RASA1: variants seen among roughly 807,000 people sequenced by gnomAD.
RASA1 encodes RAS p21 protein activator 1.
In RASA1, 25 loss-of-function variants were observed where a neutral mutation model predicts 132.2. The observed-to-expected ratio is 0.19, with a 90% confidence interval of 0.14 to 0.26. The LOEUF is 0.26. Among genes scored for constraint, RASA1 ranks in the 10% least tolerant of loss-of-function variants. The probability of loss-of-function intolerance (pLI) is 1.00; values close to 1 mark genes in which losing one functional copy is unlikely to be tolerated. For synonymous variants in RASA1, 477 were observed against 449.9 expected (o/e 1.06, Z -0.76); for missense variants, 964 against 1,299.2 (o/e 0.74, Z 3.97).
chr5:87,286,246 A>C (rs923315273), intron 1 of RASA1, among the ~76,000 whole-genome samples: 1 of 151,580 alleles, frequency 6.6e-6, no homozygotes, highest in African/African-American at 2.4e-5. Flanking sequence ...CAAGTGATCC[A>C]CTCGCATTTG....
chr5:87,336,726 C>T (rs772930051), intron 4 of RASA1, among the ~76,000 whole-genome samples: 188 of 152,162 alleles, frequency 1.2e-3, no homozygotes, highest in Non-Finnish European at 1.7e-3. Flanking sequence ...CATGTGCACC[C>T]TCCTTTTACT....
At chr5:87,353,285 C>CT in intron 9 of RASA1, 50 bp downstream of exon 9, 1 of 1,421,218 alleles carries the variant, frequency 7.0e-7, no homozygotes, top group Non-Finnish European at 9.9e-7. Flanking sequence ...TTTTAAAATG[C>CT]ATTTTGGTGG....
At chr5:87,351,842 C>T (rs913664561) in intron 8 of RASA1, among the ~76,000 whole-genome samples, 6 of 151,734 alleles carry the variant, frequency 4.0e-5, no homozygotes, top group Non-Finnish European at 8.9e-5. Flanking sequence ...CCCATGGTTT[C>T]CTGTTCTCTC....
chr5:87,342,498 C>T (rs1758545451), intron 6 of RASA1, among the ~76,000 whole-genome samples: 1 of 152,152 alleles, frequency 6.6e-6, no homozygotes, highest in South Asian at 2.1e-4. Context: ...AAGAATCAGA[C>T]AGACAATGTA....
chr5:87,289,851 C>CTGGAGCAATCA (rs1348559734), intron 1 of RASA1, among the ~76,000 whole-genome samples: 1 of 151,988 alleles, frequency 6.6e-6, no homozygotes, highest in Non-Finnish European at 1.5e-5. Flanking sequence ...TTGAGTGATC[C>CTGGAGCAATCA]TCCCTCCTTG....
chr5:87,323,309 A>G (rs1397037446), intron 1 of RASA1, among the ~76,000 whole-genome samples: 3 of 152,190 alleles, frequency 2.0e-5, no homozygotes, highest in African/African-American at 7.2e-5. Context: ...CTAACGCATA[A>G]TAGGAGCTTA....
At chr5:87,355,327 A>G (rs998684365) in intron 9 of RASA1, among the ~76,000 whole-genome samples, 1 of 152,168 alleles carries the variant, frequency 6.6e-6, no homozygotes, top group African/African-American at 2.4e-5. Context: ...GTTGAAACCA[A>G]TTATCGTTGA....
intron 5 of RASA1, among the ~76,000 whole-genome samples, chr5:87,338,536 A>ATATTTTTTT: frequency 7.0e-5 from 6 of 85,212 alleles, no homozygotes; most frequent in African/African-American, 1.8e-4. Context: ...TATATATAAA[A>ATATTTTTTT]TTTTTTTTTT....
chr5:87,315,277 G>T (rs1756239643), intron 1 of RASA1, among the ~76,000 whole-genome samples: 1 of 152,188 alleles, frequency 6.6e-6, no homozygotes, highest in Non-Finnish European at 1.5e-5. Context: ...TGGGCAGGGG[G>T]GTTGGCATCT....
chr5:87,327,277 C>G (rs1391129929), intron 1 of RASA1, among the ~76,000 whole-genome samples: 9 of 152,140 alleles, frequency 5.9e-5, no homozygotes, highest in Admixed American at 3.3e-4. Context: ...GGTGGCAGAG[C>G]TGGGATTCAA....
chr5:87,367,626 G>C (rs1397200851), intron 11 of RASA1, among the ~76,000 whole-genome samples: 2 of 152,232 alleles, frequency 1.3e-5, no homozygotes, highest in East Asian at 1.9e-4. Context: ...GCATTACTTA[G>C]AAAGATGTCT....
At chr5:87,310,636 G>A (rs1001574701) in intron 1 of RASA1, among the ~76,000 whole-genome samples, 3 of 152,128 alleles carry the variant, frequency 2.0e-5, no homozygotes, top group Non-Finnish European at 4.4e-5. Flanking sequence ...TGGTTGGAAT[G>A]GCTTTCCTGG....
intron 8 of RASA1, among the ~76,000 whole-genome samples, chr5:87,351,392 A>T (rs1449033666): frequency 6.6e-6 from 1 of 151,758 alleles, no homozygotes; most frequent in East Asian, 1.9e-4. Flanking sequence ...AATGCATGGG[A>T]ATCAATAAAT....
At chr5:87,311,975 A>T (rs1246471611) in intron 1 of RASA1, among the ~76,000 whole-genome samples, 1 of 152,242 alleles carries the variant, frequency 6.6e-6, no homozygotes. Context: ...CTACTGGGTT[A>T]TTAATCCTTT....
chr5:87,364,113 G>C (rs933277836), intron 11 of RASA1, among the ~76,000 whole-genome samples: 1 of 151,954 alleles, frequency 6.6e-6, no homozygotes, highest in Non-Finnish European at 1.5e-5. Context: ...ATCCATCCCA[G>C]TCTTTTTAGA....
chr5:87,391,352 A>G lies in RASA1; in HGVS notation c.*469A>G. The G allele has an allele frequency of 3.5e-6, 1 of 286,316 alleles. No individual in the cohort carries two copies. The highest frequency in any genetic ancestry group is 8.1e-5 in the South Asian group (1 of 12,398). The allele number at this position is 286,316 out of a possible 1,614,324, so 17.7% of individuals were successfully genotyped here. A position where few individuals can be genotyped will look rare whatever the true frequency, so the allele number is the denominator to read the frequency against. Reference sequence around the variant, plus strand: ...CTACTTCCTGATTAGGAATATGACCATTTGACTGTTCAATGATTATTTGTA... The same window carrying G: ...CTACTTCCTGATTAGGAATATGACCGTTTGACTGTTCAATGATTATTTGTA... On this transcript the variant is annotated 3_prime_UTR_variant, in exon 25 of 25. Transcript: ENST00000274376.
rs3069490 is a variant in RASA1 at position 87,338,501 on chromosome 5, TTATATATATATATATATA to T, written c.1017+425_1017+442del. ...CATGTGCCACCATGCCCAGCTAATT[TTATATATATATATATATA>T]TATATATATATATAAAATTTTTTTT... On this transcript the variant is annotated intron_variant, in intron 5 of 24. Transcript: ENST00000274376. Among the ~76,000 whole-genome samples the T allele has an allele frequency of 9.3e-5, 7 of 75,670 alleles. No homozygotes were observed. In the South Asian group the frequency reaches 3.6e-3, roughly 39 times the overall value. The allele number at this position is 75,670 out of a possible 152,430, so 49.6% of individuals were successfully genotyped here. A position where few individuals can be genotyped will look rare whatever the true frequency, so the allele number is the denominator to read the frequency against.
In RASA1 at chr5:87,268,707, C is replaced by G. The variant is rs377027946; in HGVS notation, c.256C>G (p.Leu86Val). The G allele has an allele frequency of 3.1e-6, 5 of 1,612,044 alleles. No homozygotes were observed. In the African/African-American group the frequency reaches 5.3e-5, roughly 17 times the overall value. Residue 86 changes from leucine (L) to valine (V), a missense_variant, in exon 1 of 25, where the codon CTG (leucine) becomes GTG (valine). Transcript: ENST00000274376. ...SVAGALGGAG[L>V]TGGGTAAGVA... ...GGCAGGGGCACTGGGGGGAGCTGGA[C>G]TGACAGGGGGAGGTACTGCTGCTGG...
intron 1 of RASA1, among the ~76,000 whole-genome samples, chr5:87,296,258 T>G (rs1422418113): frequency 6.6e-6 from 1 of 152,228 alleles, no homozygotes; most frequent in Non-Finnish European, 1.5e-5. Context: ...AAAATATTCC[T>G]GTTTCCTTGC....
Sources: gnomAD v4.1 joint callset for allele counts (sites outside exome capture counted in the v4.1 genomes callset) on GRCh38, gnomAD v4.1.1 for gene constraint, MANE v1.5 for transcripts, NCBI Gene and HGNC (gene_info 2026-07-23, HGNC 2026-07-21) for gene names.